SH3BGRL2: variants seen among roughly 807,000 people sequenced by gnomAD.
SH3BGRL2 encodes the protein SH3 domain binding glutamate rich protein like 2.
A neutral mutation model predicts 14.8 loss-of-function variants in SH3BGRL2; 21 were observed. That is an observed-to-expected ratio of 1.42 (90% CI 1.01 to 2.05). The LOEUF is 2.05. Among genes scored for constraint, SH3BGRL2 ranks in the 30% most tolerant of loss-of-function variants. The pLI is 0.00. For synonymous variants in SH3BGRL2, 50 were observed against 47.8 expected, an observed-to-expected ratio of 1.05 and a Z score of -0.19; for missense variants, 147 against 130.8, an observed-to-expected ratio of 1.12 and a Z score of -0.61.
chr6:79,645,856 T>A (rs1343411058), intron 1 of SH3BGRL2, among the ~76,000 whole-genome samples: 4 of 152,188 alleles, frequency 2.6e-5, no homozygotes, highest in Non-Finnish European at 5.9e-5. Flanking sequence ...TACCTGTCTA[T>A]TTGCTATGTG....
the SH3BGRL2 span, among the ~76,000 whole-genome samples, chr6:79,565,221 A>G: frequency 6.6e-6 from 1 of 152,126 alleles, no homozygotes; most frequent in Non-Finnish European, 1.5e-5. Flanking sequence ...TTCTCTTGGG[A>G]TTTGGAAAAG....
At chr6:79,568,535 A>T in the SH3BGRL2 span, among the ~76,000 whole-genome samples, 1 of 146,836 alleles carries the variant, frequency 6.8e-6, no homozygotes, top group Non-Finnish European at 1.5e-5. Context: ...CCCAACAAAC[A>T]TATTATTCAG....
intron 2 of SH3BGRL2, among the ~76,000 whole-genome samples, chr6:79,695,228 C>G (rs1460849725): frequency 6.6e-6 from 1 of 152,146 alleles, no homozygotes; most frequent in African/African-American, 2.4e-5. Flanking sequence ...ACATGTTGCT[C>G]CTTCTTGGCT....
the SH3BGRL2 span, among the ~76,000 whole-genome samples, chr6:79,619,465 A>C: frequency 6.6e-6 from 1 of 152,178 alleles, no homozygotes; most frequent in African/African-American, 2.4e-5. Context: ...TTAGTCTCAA[A>C]ACAAGTGGTT....
At chr6:79,690,016 C>T (rs556040274) in intron 2 of SH3BGRL2, among the ~76,000 whole-genome samples, 9 of 152,276 alleles carry the variant, frequency 5.9e-5, no homozygotes, top group African/African-American at 1.9e-4. Flanking sequence ...CCCTCCGTCA[C>T]TCTGTCACCC....
the SH3BGRL2 span, among the ~76,000 whole-genome samples, chr6:79,586,605 G>GA: frequency 6.6e-6 from 1 of 152,134 alleles, no homozygotes; most frequent in African/African-American, 2.4e-5. Context: ...CAGTGACTCT[G>GA]AAAATGAAGT....
the SH3BGRL2 span, among the ~76,000 whole-genome samples, chr6:79,623,111 G>C: frequency 1.3e-5 from 2 of 152,046 alleles, no homozygotes; most frequent in African/African-American, 4.8e-5. Flanking sequence ...TTCAAGACCA[G>C]CCTGGCCAAC....
intron 1 of SH3BGRL2, among the ~76,000 whole-genome samples, chr6:79,668,736 C>A (rs982622423): frequency 6.6e-6 from 1 of 152,212 alleles, no homozygotes; most frequent in African/African-American, 2.4e-5. Flanking sequence ...AAACAAAACA[C>A]TTCTTGTTTT....
At chr6:79,681,951 CA>C (rs36023109) in intron 2 of SH3BGRL2, among the ~76,000 whole-genome samples, 17,059 of 135,400 alleles carry the variant, frequency 0.13, 1,432 homozygotes, top group East Asian at 0.48. Context: ...GACTCCGTCT[CA>C]AAAAAAAAAA....
At chr6:79,647,013 T>G (rs1338287542) in intron 1 of SH3BGRL2, among the ~76,000 whole-genome samples, 1 of 152,228 alleles carries the variant, frequency 6.6e-6, no homozygotes, top group Non-Finnish European at 1.5e-5. Context: ...GCGTATAAGT[T>G]TTCGTATGAA....
At chr6:79,551,136 A>C in the SH3BGRL2 span, among the ~76,000 whole-genome samples, 4 of 152,238 alleles carry the variant, frequency 2.6e-5, no homozygotes, top group Non-Finnish European at 5.9e-5. Context: ...AAGATTTGAA[A>C]GAGTTAGTTT....
At chr6:79,549,711 A>G in the SH3BGRL2 span, among the ~76,000 whole-genome samples, 1 of 152,234 alleles carries the variant, frequency 6.6e-6, no homozygotes, top group Non-Finnish European at 1.5e-5. Flanking sequence ...GCTGGGGAAT[A>G]CCTATAAGTA....
chr6:79,640,918 T>C (rs1199315065), intron 1 of SH3BGRL2, among the ~76,000 whole-genome samples: 1 of 152,138 alleles, frequency 6.6e-6, no homozygotes, highest in African/African-American at 2.4e-5. Flanking sequence ...GATTGACAGG[T>C]CAGTTCAGTG....
At chr6:79,563,272 C>T in the SH3BGRL2 span, among the ~76,000 whole-genome samples, 17 of 151,402 alleles carry the variant, frequency 1.1e-4, no homozygotes, top group Non-Finnish European at 2.2e-4. Context: ...CCACCGTGCC[C>T]GGCCTCATTT....
At chr6:79,642,899 T>C (rs1020278159) in intron 1 of SH3BGRL2, among the ~76,000 whole-genome samples, 2 of 152,112 alleles carry the variant, frequency 1.3e-5, no homozygotes, top group African/African-American at 4.8e-5. Context: ...GAATTTTGAA[T>C]ACCTGTGAAA....
At chr6:79,580,465 A>T in the SH3BGRL2 span, among the ~76,000 whole-genome samples, 1 of 152,258 alleles carries the variant, frequency 6.6e-6, no homozygotes, top group Non-Finnish European at 1.5e-5. Flanking sequence ...GAGCAATCAA[A>T]GTAGAACTCA....
chr6:79,634,477 A>G (rs1041839558), intron 1 of SH3BGRL2, among the ~76,000 whole-genome samples: 1 of 152,244 alleles, frequency 6.6e-6, no homozygotes, highest in African/African-American at 2.4e-5. Flanking sequence ...TTCTGGATGT[A>G]TTCCTGAAAG....
the SH3BGRL2 span, among the ~76,000 whole-genome samples, chr6:79,595,244 T>C: frequency 6.6e-6 from 1 of 151,912 alleles, no homozygotes; most frequent in African/African-American, 2.4e-5. Context: ...GAGCCAAGAT[T>C]GCGCCATTGC....
chr6:79,656,181 G>A (rs1355310252), intron 1 of SH3BGRL2, among the ~76,000 whole-genome samples: 2 of 152,244 alleles, frequency 1.3e-5, no homozygotes, highest in Non-Finnish European at 2.9e-5. Context: ...GGAGACATGA[G>A]GGTTTGGCAT....
Sources: allele counts gnomAD v4.1 joint callset (sites outside exome capture counted in the v4.1 genomes callset), GRCh38; gene constraint gnomAD v4.1.1; transcripts MANE v1.5; gene names NCBI Gene and HGNC (gene_info 2026-07-23, HGNC 2026-07-21).